Variants in PRELID2 observed in about 807,000 individuals in gnomAD.
The protein encoded by PRELID2 is PRELI domain containing 2.
A neutral mutation model predicts 28.4 loss-of-function variants in PRELID2; 25 were observed. The ratio of observed to expected loss-of-function variants is 0.88; its 90% confidence interval spans 0.64 to 1.23. The LOEUF is 1.23. Ranked by LOEUF, PRELID2 falls within the 50% of genes most tolerant of loss-of-function variation. The pLI is 0.00. For synonymous variants in PRELID2, 76 were observed against 71.6 expected, an observed-to-expected ratio of 1.06 and a Z score of -0.31; for missense variants, 201 against 214.4, an observed-to-expected ratio of 0.94 and a Z score of 0.39.
chr5:145,741,891 T>C (rs1309380731), intron 1 of PRELID2, among the ~76,000 whole-genome samples: 1 of 126,674 alleles, frequency 7.9e-6, no homozygotes, highest in African/African-American at 3.1e-5. Context: ...AACAAATAAA[T>C]AATTTAATTT....
intron 1 of PRELID2, among the ~76,000 whole-genome samples, chr5:145,553,427 T>TTAGC (rs1752854787): frequency 6.6e-6 from 1 of 152,220 alleles, no homozygotes; most frequent in South Asian, 2.1e-4. Context: ...CACTCCATCC[T>TTAGC]TAGCTAGCTA....
At chr5:145,600,368 A>T (rs1753371549) in intron 1 of PRELID2, among the ~76,000 whole-genome samples, 1 of 149,988 alleles carries the variant, frequency 6.7e-6, no homozygotes, top group Non-Finnish European at 1.5e-5. Flanking sequence ...TGCTGACACC[A>T]GAGTGATGAA....
chr5:145,702,173 A>G (rs936985811), intron 1 of PRELID2, among the ~76,000 whole-genome samples: 1 of 152,208 alleles, frequency 6.6e-6, no homozygotes, highest in Non-Finnish European at 1.5e-5. Flanking sequence ...TGCCATCCCT[A>G]TAAACACTTA....
Position 145,796,443 on chromosome 5 carries a change from T to G in PRELID2, c.473A>C (p.Lys158Thr). The change falls in exon 5 of 7, where the codon AAG (lysine) becomes ACG (threonine). Residue 158 changes from lysine (K) to threonine (T), a missense_variant and splice_region_variant. Coordinates refer to ENST00000683046, the MANE Select transcript of PRELID2 (RefSeq NM_205846.3). ...GGTTCAAAGCAGAAATATGGTTACC[T>G]TCTGGGCTCCCTGTCGTAAGAATGT... is the stretch of plus-strand genomic sequence containing the variant. ...ASTFLRQGAQ[K>T]GIRIMEMLLK... 1 of 1,603,198 alleles carries G rather than the reference T, an allele frequency of 6.2e-7. No individual in the cohort carries two copies.
At chr5:145,265,577 G>C in the PRELID2 span, among the ~76,000 whole-genome samples, 1 of 152,116 alleles carries the variant, frequency 6.6e-6, no homozygotes, top group Non-Finnish European at 1.5e-5. Context: ...TATACTGTAA[G>C]TCCATAGTCA....
chr5:145,523,334 A>G (rs1359414271), intron 1 of PRELID2, among the ~76,000 whole-genome samples: 1 of 152,204 alleles, frequency 6.6e-6, no homozygotes, highest in Non-Finnish European at 1.5e-5. Flanking sequence ...ATTTTAAATA[A>G]ACAGTTGACT....
the PRELID2 span, among the ~76,000 whole-genome samples, chr5:145,415,590 T>A: frequency 2.2e-4 from 33 of 151,050 alleles, no homozygotes; most frequent in South Asian, 4.2e-4. Flanking sequence ...TTCATCCATG[T>A]CCCTACAAAG....
chr5:145,481,113 T>C (rs928893358), intron 1 of PRELID2, among the ~76,000 whole-genome samples: 2 of 152,146 alleles, frequency 1.3e-5, no homozygotes, highest in Non-Finnish European at 2.9e-5. Flanking sequence ...ATAATTATCG[T>C]AAGATAAAAG....
intron 1 of PRELID2, among the ~76,000 whole-genome samples, chr5:145,700,005 C>T (rs569458716): frequency 6.6e-6 from 1 of 152,140 alleles, no homozygotes; most frequent in East Asian, 1.9e-4. Flanking sequence ...AAACAATTTT[C>T]CTTTTAGAGC....
the PRELID2 span, among the ~76,000 whole-genome samples, chr5:145,332,577 A>G: frequency 6.6e-6 from 1 of 151,890 alleles, no homozygotes; most frequent in African/African-American, 2.4e-5. Context: ...ATACTTGTGT[A>G]TGCTTCATGA....
chr5:145,368,993 G>A, the PRELID2 span, among the ~76,000 whole-genome samples: 1 of 151,694 alleles, frequency 6.6e-6, no homozygotes, highest in African/African-American at 2.4e-5. Flanking sequence ...AGGCCCCAGT[G>A]TGTGTTGTTC....
intron 1 of PRELID2, among the ~76,000 whole-genome samples, chr5:145,604,726 T>A (rs1753470521): frequency 6.9e-6 from 1 of 144,660 alleles, no homozygotes; most frequent in South Asian, 2.3e-4. Context: ...CTCCACAACC[T>A]CACCAGCATC....
chr5:145,652,435 A>G (rs987309745), intron 1 of PRELID2, among the ~76,000 whole-genome samples: 1 of 152,244 alleles, frequency 6.6e-6, no homozygotes, highest in Non-Finnish European at 1.5e-5. Context: ...AGCAACTCCA[A>G]GACACATAAC....
At chr5:145,448,255 C>T in the PRELID2 span, among the ~76,000 whole-genome samples, 1 of 151,784 alleles carries the variant, frequency 6.6e-6, no homozygotes, top group Non-Finnish European at 1.5e-5. Context: ...TGTTTTTTGG[C>T]TGCATAAATG....
At chr5:145,394,598 TA>T in the PRELID2 span, among the ~76,000 whole-genome samples, 1 of 152,022 alleles carries the variant, frequency 6.6e-6, no homozygotes, top group African/African-American at 2.4e-5. Context: ...TAAAATAAAG[TA>T]AAATAAATAT....
intron 1 of PRELID2, among the ~76,000 whole-genome samples, chr5:145,732,763 A>G (rs528318483): frequency 8.5e-4 from 130 of 152,314 alleles, no homozygotes; most frequent in Middle Eastern, 3.4e-3. Flanking sequence ...TCAATGATAC[A>G]TAACTATCCA....
intron 1 of PRELID2, among the ~76,000 whole-genome samples, chr5:145,824,769 T>C (rs1177792691): frequency 6.6e-6 from 1 of 152,192 alleles, no homozygotes; most frequent in Non-Finnish European, 1.5e-5. Context: ...GAGCAGTGGC[T>C]CAGCTTTCAG....
chr5:145,313,967 G>A, the PRELID2 span, among the ~76,000 whole-genome samples: 5 of 152,156 alleles, frequency 3.3e-5, no homozygotes, highest in African/African-American at 4.8e-5. Context: ...TCTGATGGCC[G>A]TTTCAAAGTG....
At chr5:145,690,796 T>C (rs1014073141) in intron 1 of PRELID2, among the ~76,000 whole-genome samples, 1 of 152,220 alleles carries the variant, frequency 6.6e-6, no homozygotes. Context: ...TCTTTCCCTA[T>C]GTGCAAGATA....
Sources: allele counts gnomAD v4.1 joint callset (sites outside exome capture counted in the v4.1 genomes callset), GRCh38; gene constraint gnomAD v4.1.1; transcripts MANE v1.5; gene names NCBI Gene and HGNC (gene_info 2026-07-23, HGNC 2026-07-21).